The following ORC5 variants were observed in gnomAD, a reference collection of about 807,000 sequenced individuals.
ORC5 encodes the protein protein phosphatase 1, regulatory subunit 117.
In ORC5, 39 loss-of-function variants were observed where a neutral mutation model predicts 58.8. The observed-to-expected ratio is 0.66, with a 90% CI of 0.51 to 0.87. ORC5 has a LOEUF of 0.87. Ranked by LOEUF, ORC5 falls within the 40% of genes least tolerant of loss-of-function variation. The probability of loss-of-function intolerance (pLI) is 0.00; values close to 1 mark genes in which losing one functional copy is unlikely to be tolerated. For synonymous variants in ORC5, 218 were observed against 177.6 expected (o/e 1.23, Z -1.81); for missense variants, 493 against 506.3 (o/e 0.97, Z 0.25).
chr7:104,175,558 T>G (rs551483635), intron 8 of ORC5, among the ~76,000 whole-genome samples: 164 of 152,280 alleles, frequency 1.1e-3, no homozygotes, highest in African/African-American at 3.7e-3. Context: ...TTGCTTTGAG[T>G]GATGGAACAG....
At chr7:104,207,685 C>G (rs10953406) in intron 1 of ORC5, 148 bp downstream of exon 1, 218,506 of 662,110 alleles carry the variant, frequency 0.33, 43,734 homozygotes, top group African/African-American at 0.68. Flanking sequence ...GTGGGTGAAG[C>G]TGCAGTACAG....
chr7:104,139,551 T>C (rs1212709640), intron 12 of ORC5, among the ~76,000 whole-genome samples: 1 of 152,108 alleles, frequency 6.6e-6, no homozygotes, highest in African/African-American at 2.4e-5. Context: ...AAATATCTCA[T>C]ATAGAGTATC....
At chr7:104,188,488 A>G in intron 5 of ORC5, 107 bp from the exon 6 acceptor site, 1 of 710,226 alleles carries the variant, frequency 1.4e-6, no homozygotes, top group East Asian at 2.5e-5. Context: ...CAGACCCAGC[A>G]ACAATTAAGG....
intron 12 of ORC5, among the ~76,000 whole-genome samples, chr7:104,148,544 G>A (rs754888636): frequency 3.9e-5 from 6 of 152,146 alleles, no homozygotes; most frequent in Non-Finnish European, 5.9e-5. Flanking sequence ...CAAATGTCCT[G>A]CCACAGGGAT....
At chr7:104,144,249 G>A (rs886219146) in intron 12 of ORC5, among the ~76,000 whole-genome samples, 6 of 152,204 alleles carry the variant, frequency 3.9e-5, no homozygotes, top group African/African-American at 1.4e-4. Flanking sequence ...AATTAGTGGA[G>A]TCAACATTTT....
At chr7:104,148,179 A>G (rs925153375) in intron 12 of ORC5, among the ~76,000 whole-genome samples, 3 of 152,198 alleles carry the variant, frequency 2.0e-5, no homozygotes, top group Non-Finnish European at 4.4e-5. Context: ...TCTCTTTTCC[A>G]GACGATGACA....
chr7:104,158,580 A>C (rs191437787), intron 12 of ORC5, among the ~76,000 whole-genome samples: 1 of 151,136 alleles, frequency 6.6e-6, no homozygotes, highest in Non-Finnish European at 1.5e-5. Context: ...CTACTCATCT[A>C]ACAAAGGGCT....
chr7:104,131,465 T>A (rs757397077), intron 13 of ORC5, among the ~76,000 whole-genome samples: 4 of 152,218 alleles, frequency 2.6e-5, no homozygotes, highest in Non-Finnish European at 2.9e-5. Flanking sequence ...TCCTTCTCTA[T>A]CTGTTCTTTC....
chr7:104,167,156 TA>T (rs1420573845), intron 9 of ORC5, among the ~76,000 whole-genome samples: 2 of 152,166 alleles, frequency 1.3e-5, no homozygotes, highest in Non-Finnish European at 2.9e-5. Flanking sequence ...CGCTCTCCAT[TA>T]AACCCCTGGT....
chr7:104,183,688 A>C (rs1799482183), intron 8 of ORC5, among the ~76,000 whole-genome samples: 1 of 152,234 alleles, frequency 6.6e-6, no homozygotes, highest in South Asian at 2.1e-4. Flanking sequence ...CATCCTTGTA[A>C]TTGATCCTTG....
intron 8 of ORC5, among the ~76,000 whole-genome samples, chr7:104,178,180 CCCA>C (rs1398128277): frequency 1.3e-5 from 2 of 152,174 alleles, no homozygotes; most frequent in South Asian, 2.1e-4. Flanking sequence ...AATTTACACT[CCCA>C]CCAACAGTGT....
At chr7:104,202,619 A>G in intron 2 of ORC5, 7 of 425,612 alleles carry the variant, frequency 1.6e-5, no homozygotes, top group South Asian at 1.0e-4. Context: ...GTGATAAAAA[A>G]TGGAATACAG....
chr7:104,186,510 A>G (rs1799546832), intron 6 of ORC5, among the ~76,000 whole-genome samples: 1 of 152,168 alleles, frequency 6.6e-6, no homozygotes, highest in Non-Finnish European at 1.5e-5. Context: ...AGAGAAAACA[A>G]ACCTAAATGA....
intron 8 of ORC5, among the ~76,000 whole-genome samples, chr7:104,179,698 C>T (rs1042837372): frequency 1.7e-4 from 26 of 151,302 alleles, no homozygotes; most frequent in African/African-American, 5.3e-4. Context: ...TCTAGTTTCA[C>T]GTTAGTAAAG....
intron 8 of ORC5, among the ~76,000 whole-genome samples, chr7:104,170,739 T>C (rs1231291189): frequency 6.6e-6 from 1 of 152,234 alleles, no homozygotes; most frequent in Admixed American, 6.5e-5. Flanking sequence ...AAATGAACTG[T>C]TTTAATGTGT....
intron 12 of ORC5, among the ~76,000 whole-genome samples, chr7:104,141,148 T>C (rs1426880447): frequency 6.6e-6 from 1 of 152,124 alleles, no homozygotes; most frequent in African/African-American, 2.4e-5. Context: ...AAAGAGTGTG[T>C]GCTAAAAGAA....
At chr7:104,187,073 C>T (rs891712081) in intron 6 of ORC5, among the ~76,000 whole-genome samples, 1 of 152,092 alleles carries the variant, frequency 6.6e-6, no homozygotes, top group Non-Finnish European at 1.5e-5. Flanking sequence ...CCACAGGATT[C>T]GAGTGCTAAA....
intron 6 of ORC5, among the ~76,000 whole-genome samples, chr7:104,186,194 T>A (rs1799539158): frequency 6.6e-6 from 1 of 150,568 alleles, no homozygotes; most frequent in African/African-American, 2.5e-5. Context: ...ACTGTGAGGG[T>A]CCACTTGTCT....
chr7:104,145,912 A>T (rs938686696), intron 12 of ORC5, among the ~76,000 whole-genome samples: 5 of 152,194 alleles, frequency 3.3e-5, no homozygotes, highest in Non-Finnish European at 7.4e-5. Flanking sequence ...CTGACGAAAG[A>T]TCTGGCAATT....
Sources: allele counts gnomAD v4.1 joint callset (sites outside exome capture counted in the v4.1 genomes callset), GRCh38; gene constraint gnomAD v4.1.1; transcripts MANE v1.5; gene names NCBI Gene and HGNC (gene_info 2026-07-23, HGNC 2026-07-21).